The following GLRA2 variants were observed in gnomAD, a reference collection of about 807,000 sequenced individuals.
The protein encoded by GLRA2 is glycine receptor subunit alpha-2.
Under a neutral mutation model 31.6 loss-of-function variants are expected in GLRA2, and 11 were observed. That is an observed-to-expected ratio of 0.35 (90% confidence interval 0.22 to 0.58). The LOEUF (loss-of-function observed/expected upper bound fraction) is 0.58, where lower values mean the gene tolerates loss of function less well. Ranked by LOEUF, GLRA2 falls within the 20% of genes least tolerant of loss-of-function variation. The probability of loss-of-function intolerance (pLI) is 0.84; values close to 1 mark genes in which losing one functional copy is unlikely to be tolerated. For synonymous variants in GLRA2, 132 were observed against 134.0 expected, an observed-to-expected ratio of 0.99 and a Z score of 0.10; for missense variants, 212 against 351.8, an observed-to-expected ratio of 0.60 and a Z score of 3.18.
chrX:14,480,050 A>G, the GLRA2 span, among the ~76,000 whole-genome samples: 1 of 111,460 alleles, frequency 9.0e-6, no homozygotes, highest in Non-Finnish European at 1.9e-5. Context: ...TGATTTTTTA[A>G]TAATAGCCAC....
At chrX:14,688,523 G>A (rs1463887933) in intron 7 of GLRA2, among the ~76,000 whole-genome samples, 11 of 111,286 alleles carry the variant, frequency 9.9e-5, no homozygotes, top group East Asian at 8.5e-4. Flanking sequence ...CCCCATCCTC[G>A]CTGCTGCCTT....
At chrX:14,570,253 G>T (rs898242169) in intron 2 of GLRA2, among the ~76,000 whole-genome samples, 3 of 111,999 alleles carry the variant, frequency 2.7e-5, no homozygotes, top group Non-Finnish European at 5.6e-5. Context: ...CAAATAACAT[G>T]TGTTATAATA....
At chrX:14,619,012 G>A (rs1301482977) in intron 7 of GLRA2, among the ~76,000 whole-genome samples, 3 of 111,299 alleles carry the variant, frequency 2.7e-5, no homozygotes, top group Non-Finnish European at 5.7e-5. Flanking sequence ...TAATCTCTGT[G>A]TTTTAAGGTC....
the GLRA2 span, among the ~76,000 whole-genome samples, chrX:14,509,997 G>A: frequency 8.9e-6 from 1 of 111,787 alleles, no homozygotes; most frequent in Non-Finnish European, 1.9e-5. Flanking sequence ...AGAGTTTAAA[G>A]ATTATCTCAT....
chrX:14,589,460 C>A (rs1386306079), intron 4 of GLRA2, among the ~76,000 whole-genome samples: 1 of 99,831 alleles, frequency 1.0e-5, no homozygotes, highest in Admixed American at 1.1e-4. Context: ...GAGATCGAGA[C>A]CATCCTGGCC....
chrX:14,573,255 G>A (rs1198021231), intron 2 of GLRA2, among the ~76,000 whole-genome samples: 3 of 111,491 alleles, frequency 2.7e-5, no homozygotes, highest in Non-Finnish European at 5.6e-5. Flanking sequence ...AACCCCACAC[G>A]GACTTCTGAA....
At chrX:14,669,978 C>T (rs1420676921) in intron 7 of GLRA2, among the ~76,000 whole-genome samples, 2 of 112,376 alleles carry the variant, frequency 1.8e-5, no homozygotes, top group East Asian at 5.6e-4. Context: ...TATGCTGTTT[C>T]CCTTTTGAAA....
chrX:14,646,269 C>G (rs1227782638), intron 7 of GLRA2, among the ~76,000 whole-genome samples: 1 of 112,011 alleles, frequency 8.9e-6, no homozygotes, highest in Admixed American at 9.5e-5. Flanking sequence ...ATTTATAATT[C>G]TGAAGCCATG....
intron 8 of GLRA2, among the ~76,000 whole-genome samples, chrX:14,697,346 G>A (rs1046175586): frequency 1.8e-5 from 2 of 111,953 alleles, no homozygotes; most frequent in African/African-American, 6.5e-5. Flanking sequence ...ATTAAAATAA[G>A]TGGAAACGGG....
chrX:14,469,344 A>G, the GLRA2 span, among the ~76,000 whole-genome samples: 1 of 111,034 alleles, frequency 9.0e-6, no homozygotes, highest in African/African-American at 3.3e-5. Flanking sequence ...ATTTTTGTAT[A>G]AGGTGTAAGG....
chrX:14,467,208 C>CA, the GLRA2 span, among the ~76,000 whole-genome samples: 11 of 111,483 alleles, frequency 9.9e-5, no homozygotes, highest in East Asian at 1.7e-3. Context: ...TATTTTAGAA[C>CA]AAAAAAAAGA....
At position 14,529,591 on chromosome X, in the gene GLRA2, C is replaced by T. The variant is rs2089227330; in HGVS notation, c.-467C>T. The T allele has an allele frequency of 1.5e-5, 2 of 133,229 alleles. No individual in the cohort carries two copies. Among genetic ancestry groups the T allele is most frequent in the African/African-American group, 6.5e-5 (2 of 30,546 alleles). The allele number at this position is 133,229 out of a possible 1,213,427, so 11.0% of individuals were successfully genotyped here. On this transcript the variant is annotated 5_prime_UTR_variant, in exon 1 of 9. Transcript: ENST00000218075. ...GGATCTCAGCAATTTTTCCCTCTTC[C>T]CCCCACCCACTCCAGCGCGCAGAGT...
intron 4 of GLRA2, among the ~76,000 whole-genome samples, chrX:14,592,114 T>A (rs1379310455): frequency 9.0e-6 from 1 of 111,367 alleles, no homozygotes; most frequent in Non-Finnish European, 1.9e-5. Flanking sequence ...AGCACTATTA[T>A]AAGTCTGTAA....
At chrX:14,679,317 T>C (rs973729018) in intron 7 of GLRA2, among the ~76,000 whole-genome samples, 5 of 110,308 alleles carry the variant, frequency 4.5e-5, no homozygotes, top group Admixed American at 1.9e-4. Flanking sequence ...CCAACCTATA[T>C]AGAGGTGAAA....
rs1420734277 is a variant in GLRA2 at position 14,667,387 on chromosome X, AACTCT to A, written c.931-23320_931-23316del. On this transcript the variant is annotated intron_variant, in intron 7 of 8. Coordinates refer to ENST00000218075, the MANE Select transcript of GLRA2 (RefSeq NM_002063.4). ...TTAAAGTTCTCTGTTGCAGCTACTC[AACTCT>A]ACCATGGTAAGTGGGCACTAGAGAG... is the stretch of plus-strand genomic sequence containing the variant. Among the ~76,000 whole-genome samples the A allele has an allele frequency of 6.3e-5, 7 of 111,993 alleles. No homozygotes were observed. The Admixed American group carries it at 6.6e-4, about 11-fold the overall frequency.
At chrX:14,503,048 A>G in the GLRA2 span, among the ~76,000 whole-genome samples, 1 of 111,465 alleles carries the variant, frequency 9.0e-6, no homozygotes, top group Non-Finnish European at 1.9e-5. Context: ...GCACATATCC[A>G]TTAATGACCA....
the GLRA2 span, among the ~76,000 whole-genome samples, chrX:14,470,906 G>A: frequency 9.0e-6 from 1 of 111,583 alleles, no homozygotes; most frequent in Non-Finnish European, 1.9e-5. Flanking sequence ...ATGATTAAGG[G>A]ATAAAGAGAA....
chrX:14,700,690 T>C (rs149544816), intron 8 of GLRA2, among the ~76,000 whole-genome samples: 1 of 110,431 alleles, frequency 9.1e-6, no homozygotes, highest in East Asian at 2.9e-4. Flanking sequence ...AAGTGGACAG[T>C]GAGGAAGTGA....
At chrX:14,607,485 T>C (rs184557224) in intron 6 of GLRA2, among the ~76,000 whole-genome samples, 2 of 111,212 alleles carry the variant, frequency 1.8e-5, no homozygotes, top group African/African-American at 3.3e-5. Context: ...CTCCAGAACA[T>C]AGAGAGAAGG....
Sources: allele counts gnomAD v4.1 joint callset (sites outside exome capture counted in the v4.1 genomes callset), GRCh38; gene constraint gnomAD v4.1.1; transcripts MANE v1.5; gene names NCBI Gene and HGNC (gene_info 2026-07-23, HGNC 2026-07-21).